Variants in DCAF17 observed in about 807,000 individuals in gnomAD.
DCAF17 encodes the protein DDB1 and CUL4 associated factor 17.
A neutral mutation model predicts 66.0 loss-of-function variants in DCAF17; 48 were observed. That is an observed-to-expected ratio of 0.73 (90% CI 0.58 to 0.92). The LOEUF (loss-of-function observed/expected upper bound fraction) is 0.92. DCAF17 is among the 40% of genes least tolerant of loss of function. The pLI, the probability that DCAF17 is intolerant of heterozygous loss-of-function variation, is 0.00. For synonymous variants in DCAF17, 206 were observed against 214.6 expected (o/e 0.96, Z 0.35); for missense variants, 562 against 622.8 (o/e 0.90, Z 1.04).
Position 171,481,040 on chromosome 2 carries a change from G to A in DCAF17, c.1489G>A (p.Val497Ile). Residue 497 changes from valine to isoleucine, a missense_variant, in exon 14 of 14, where the codon GTC becomes ATC. Val to Ile is a conservative substitution (Grantham distance 29). Around this residue, in one of 3 missense-constraint regions of DCAF17, gnomAD observed 201 missense variants for 231.1 expected, o/e 0.87. Coordinates refer to ENST00000375255, the MANE Select transcript of DCAF17 (RefSeq NM_025000.4). The part of the protein sequence containing the change: ...VLHIEQKPNR[V>I]FSCYVYQMIC... The stretch of plus-strand genomic sequence containing the variant: ...ACACATAGAGCAGAAACCCAACAGA[G>A]TCTTCAGCTGCTATGTTTACCAGAT... 6.2e-7 allele frequency: 1 copy of A among 1,613,808 alleles called. No homozygotes were observed. The highest frequency in any genetic ancestry group is 8.5e-7 in the Non-Finnish European group (1 of 1,179,752).
intron 9 of DCAF17, among the ~76,000 whole-genome samples, chr2:171,470,337 T>A (rs950947544): frequency 6.6e-6 from 1 of 152,164 alleles, no homozygotes; most frequent in Non-Finnish European, 1.5e-5. Flanking sequence ...CCTTGCTCAA[T>A]CAGTCACTGT....
At chr2:171,468,851 C>T in intron 8 of DCAF17, 37 bp from the exon 9 acceptor site, 1 of 1,613,960 alleles carries the variant, frequency 6.2e-7, no homozygotes, top group Non-Finnish European at 8.5e-7. Flanking sequence ...GCCCCCAGAA[C>T]AGTGCAGCTA....
At chr2:171,445,311 C>A (rs980669309) in intron 3 of DCAF17, among the ~76,000 whole-genome samples, 1 of 151,932 alleles carries the variant, frequency 6.6e-6, no homozygotes, top group Non-Finnish European at 1.5e-5. Context: ...TTTTAGTAGA[C>A]ACGGGGTTTC....
chr2:171,440,779 C>G (rs907088343), intron 2 of DCAF17, among the ~76,000 whole-genome samples: 14 of 152,044 alleles, frequency 9.2e-5, no homozygotes, highest in East Asian at 5.8e-4. Flanking sequence ...GGCTTATGTT[C>G]CTGGAAAGCT....
rs1274107418 is a variant in DCAF17, at chr2:171,434,715, C to G, written c.126+12C>G. ...CGCTGGTGTGCCAGGTGACCGCCAG[C>G]CGGCCGGGGCGGGACGGAGGGCCGC... On this transcript the variant is annotated intron_variant, in intron 1 of 13. Coordinates refer to ENST00000375255, the MANE Select transcript of DCAF17 (RefSeq NM_025000.4). 1.0e-5 allele frequency: 15 copies of G among 1,450,738 alleles called. No individual in the cohort carries two copies. Among genetic ancestry groups the G allele is most frequent in the African/African-American group, 6.0e-5 (4 of 67,198 alleles). 89.9% of individuals were successfully genotyped at this position (1,450,738 alleles called of 1,614,324 possible). A position where few individuals can be genotyped will look rare whatever the true frequency, so the allele number is the denominator to read the frequency against.
Position 171,434,978 on chromosome 2 carries a change from A to G in DCAF17, c.127-105A>G, listed in dbSNP as rs762407022. 4.3e-5 allele frequency: 48 copies of G among 1,115,922 alleles called. No individual in the cohort carries two copies. The Middle Eastern group carries it at 1.2e-3, about 27-fold the overall frequency. 69.1% of individuals were successfully genotyped at this position (1,115,922 alleles called of 1,614,324 possible). On this transcript the variant is annotated intron_variant, in intron 1 of 13. Transcript: ENST00000375255. ...AGGGCAGAGTGGAGGAAGGATGCAA[A>G]AAGTTTTAAAATAATATAGGTGACA...
chr2:171,444,538 A>G (rs899243458), intron 3 of DCAF17, among the ~76,000 whole-genome samples: 5 of 152,240 alleles, frequency 3.3e-5, no homozygotes, highest in African/African-American at 4.8e-5. Context: ...CCCATCCCCA[A>G]GATACCTCAT....
chr2:171,475,695 C>A (rs897143840), intron 10 of DCAF17, among the ~76,000 whole-genome samples: 1 of 152,090 alleles, frequency 6.6e-6, no homozygotes, highest in African/African-American at 2.4e-5. Flanking sequence ...CCCAGGAGTT[C>A]GAGGCTGCAG....
chr2:171,479,666 C>G (rs961321918), intron 12 of DCAF17: 1 of 252,360 alleles, frequency 4.0e-6, no homozygotes, highest in African/African-American at 2.3e-5. Flanking sequence ...CAGAACCGAG[C>G]TTCATGTGTT....
At chr2:171,438,499 T>C (rs1384391669) in intron 2 of DCAF17, among the ~76,000 whole-genome samples, 2 of 152,218 alleles carry the variant, frequency 1.3e-5, no homozygotes, top group Non-Finnish European at 2.9e-5. Flanking sequence ...TGCATTTCTA[T>C]CCGTGTTTGC....
Position 171,439,195 on chromosome 2 carries a change from G to A in DCAF17, c.230+4009G>A, listed in dbSNP as rs939550738. On this transcript the variant is annotated intron_variant, in intron 2 of 13. Transcript: ENST00000375255. ...CAGTTTGAATATGCTTCCCAGATTT[G>A]GGGCTTGGTATCTGTCAGTTTTGGA... is the stretch of plus-strand genomic sequence containing the variant. Among the ~76,000 whole-genome samples the A allele has an allele frequency of 7.3e-5, 11 of 151,612 alleles. No individual in the cohort carries two copies. The East Asian group carries it at 7.8e-4, about 11-fold the overall frequency.
intron 12 of DCAF17, chr2:171,479,830 G>GAGTTTATCAA: frequency 5.5e-6 from 3 of 542,296 alleles, no homozygotes; most frequent in Non-Finnish European, 3.2e-6. Context: ...AAATCTGTAG[G>GAGTTTATCAA]ATACTGCTTA....
chr2:171,461,654 T>C (rs1695592708), intron 8 of DCAF17, among the ~76,000 whole-genome samples: 1 of 152,182 alleles, frequency 6.6e-6, no homozygotes, highest in Non-Finnish European at 1.5e-5. Context: ...AGAAATCAAC[T>C]CTATTGAGGT....
chr2:171,441,243 C>G (rs558656819), intron 2 of DCAF17, among the ~76,000 whole-genome samples: 1 of 152,316 alleles, frequency 6.6e-6, no homozygotes, highest in Non-Finnish European at 1.5e-5. Flanking sequence ...TGCTTCTCCC[C>G]TCCTGCACAG....
chr2:171,442,241 A>G (rs1414810675), intron 2 of DCAF17, among the ~76,000 whole-genome samples: 1 of 152,190 alleles, frequency 6.6e-6, no homozygotes, highest in Non-Finnish European at 1.5e-5. Flanking sequence ...TTCAACAGTA[A>G]TTTAATTTCA....
intron 8 of DCAF17, among the ~76,000 whole-genome samples, chr2:171,465,614 G>A (rs1695854800): frequency 6.6e-6 from 1 of 152,030 alleles, no homozygotes; most frequent in Non-Finnish European, 1.5e-5. Flanking sequence ...TGGGTAGCTG[G>A]GACTACAGGC....
intron 8 of DCAF17, among the ~76,000 whole-genome samples, chr2:171,466,251 T>A (rs1336698772): frequency 6.6e-6 from 1 of 152,220 alleles, no homozygotes; most frequent in Non-Finnish European, 1.5e-5. Flanking sequence ...AAAATCATAT[T>A]GTATTACAGG....
intron 1 of DCAF17, 87 bp downstream of exon 1, chr2:171,434,790 G>C (rs1314377376): frequency 2.9e-6 from 4 of 1,389,170 alleles, no homozygotes; most frequent in Non-Finnish European, 3.7e-6. Flanking sequence ...TAACGCGCTG[G>C]GGCCTCCCTT....
At position 171,443,610 on chromosome 2, in the gene DCAF17, A is replaced by G; in HGVS notation, c.318A>G (p.Pro106=). 6.2e-7 allele frequency: 1 copy of G among 1,612,534 alleles called. No homozygotes were observed. Among genetic ancestry groups the G allele is most frequent in the Non-Finnish European group, 8.5e-7 (1 of 1,178,908 alleles). Residue 106 remains proline (P), a synonymous_variant, in exon 3 of 14, where the codon CCA becomes CCG. Coordinates refer to ENST00000375255, the MANE Select transcript of DCAF17 (RefSeq NM_025000.4). ...KIEDALLWEC[P]VGDILPNSSD... ...AGGATGCTTTATTATGGGAATGCCC[A>G]GTGGTAAGATTTGTTTTTAGAGCGT...
Sources: gnomAD v4.1 joint callset for allele counts (sites outside exome capture counted in the v4.1 genomes callset) on GRCh38, gnomAD v4.1.1 for gene constraint, gnomAD v4.1.1 regional missense constraint, MANE v1.5 for transcripts, NCBI Gene and HGNC (gene_info 2026-07-23, HGNC 2026-07-21) for gene names.